Variants in TOX observed in about 807,000 individuals in gnomAD.
TOX encodes thymocyte selection associated high mobility group box.
A neutral mutation model predicts 53.7 loss-of-function variants in TOX; 11 were observed. The ratio of observed to expected loss-of-function variants is 0.20; its 90% CI spans 0.13 to 0.34. The LOEUF (loss-of-function observed/expected upper bound fraction) is 0.34. Ranked by LOEUF, TOX falls within the 10% of genes least tolerant of loss-of-function variation. The pLI is 1.00. For missense variants in TOX, 570 were observed against 664.6 expected, an observed-to-expected ratio of 0.86 and a Z score of 1.56; for synonymous variants, 225 against 245.3, an observed-to-expected ratio of 0.92 and a Z score of 0.77.
chr8:58,848,001 T>A (rs1363210211), intron 4 of TOX, among the ~76,000 whole-genome samples: 1 of 152,104 alleles, frequency 6.6e-6, no homozygotes, highest in Non-Finnish European at 1.5e-5. Flanking sequence ...AATATATATG[T>A]GAATAAATCC....
At chr8:58,872,559 A>G (rs1811216608) in intron 3 of TOX, among the ~76,000 whole-genome samples, 1 of 152,156 alleles carries the variant, frequency 6.6e-6, no homozygotes, top group Non-Finnish European at 1.5e-5. Flanking sequence ...AGTCATACTG[A>G]TAATGTGGAC....
intron 4 of TOX, among the ~76,000 whole-genome samples, chr8:58,842,184 G>GAGGAGACTGGGGTGAGTC (rs1044812158): frequency 6.6e-6 from 1 of 152,176 alleles, no homozygotes; most frequent in Non-Finnish European, 1.5e-5. Context: ...GTGGTTTCCA[G>GAGGAGACTGGGGTGAGTC]AGGAGACTGG....
At chr8:58,997,892 AC>A (rs1813590094) in intron 1 of TOX, among the ~76,000 whole-genome samples, 2 of 152,174 alleles carry the variant, frequency 1.3e-5, no homozygotes, top group South Asian at 4.2e-4. Flanking sequence ...TCCTGGGTTC[AC>A]GCCATTCTCC....
intron 1 of TOX, among the ~76,000 whole-genome samples, chr8:59,086,410 A>T (rs1804510004): frequency 6.6e-6 from 1 of 152,148 alleles, no homozygotes; most frequent in Non-Finnish European, 1.5e-5. Flanking sequence ...TGTCCAGAAG[A>T]CAGAATCCGG....
chr8:58,884,068 C>T (rs1210732373), intron 3 of TOX, among the ~76,000 whole-genome samples: 1 of 152,122 alleles, frequency 6.6e-6, no homozygotes, highest in Non-Finnish European at 1.5e-5. Flanking sequence ...CACCAGGGTC[C>T]AGCTGAGGCT....
rs1404391206 is a variant in TOX, at chr8:59,069,137, T to C, written c.102+49749A>G. ...ACAGCAAGACGGATGGGTATTCAAG[T>C]GATCCAGTAAGAAATGAGGAGGGCT... On this transcript the variant is annotated intron_variant, in intron 1 of 8. Coordinates refer to ENST00000361421, the MANE Select transcript of TOX (RefSeq NM_014729.3). 2.0e-5 allele frequency among the ~76,000 whole-genome samples: 3 copies of C among 152,074 alleles called. No homozygotes were observed. In the East Asian group the frequency reaches 5.8e-4, roughly 29 times the overall value.
chr8:58,961,415 A>G (rs571255056), intron 1 of TOX, among the ~76,000 whole-genome samples: 6 of 152,318 alleles, frequency 3.9e-5, no homozygotes, highest in Non-Finnish European at 8.8e-5. Flanking sequence ...AGAGCAAATA[A>G]AAAATAGTAC....
chr8:59,011,119 A>G (rs1013841743), intron 1 of TOX, among the ~76,000 whole-genome samples: 2 of 152,238 alleles, frequency 1.3e-5, no homozygotes, highest in African/African-American at 4.8e-5. Flanking sequence ...CTCATGGAAC[A>G]TGTCGGAAAT....
At chr8:58,854,531 A>G (rs1810881108) in intron 3 of TOX, among the ~76,000 whole-genome samples, 1 of 151,682 alleles carries the variant, frequency 6.6e-6, no homozygotes, top group Non-Finnish European at 1.5e-5. Context: ...CAATGGAAGG[A>G]GAAGAAGGTG....
chr8:58,960,035 C>T, intron 1 of TOX, 27 bp from the exon 2 acceptor site: 1 of 1,612,998 alleles, frequency 6.2e-7, no homozygotes, highest in Non-Finnish European at 8.5e-7. Flanking sequence ...AGTAAACATT[C>T]AGCAATCTTG....
intron 3 of TOX, among the ~76,000 whole-genome samples, chr8:58,923,018 C>T (rs939116863): frequency 6.6e-6 from 1 of 152,188 alleles, no homozygotes. Flanking sequence ...GTGACTAGCT[C>T]GGTGAGGGGC....
chr8:59,080,298 T>C (rs1804383359), intron 1 of TOX, among the ~76,000 whole-genome samples: 1 of 152,132 alleles, frequency 6.6e-6, no homozygotes, highest in Non-Finnish European at 1.5e-5. Flanking sequence ...CTTTCTTTTG[T>C]CAATTTCTCC....
At chr8:59,004,978 T>C (rs1003065552) in intron 1 of TOX, among the ~76,000 whole-genome samples, 14 of 152,198 alleles carry the variant, frequency 9.2e-5, no homozygotes, top group African/African-American at 3.4e-4. Flanking sequence ...TTTTTGCAAA[T>C]AATGCTAGCA....
At chr8:58,905,425 C>G (rs554263247) in intron 3 of TOX, among the ~76,000 whole-genome samples, 1 of 152,078 alleles carries the variant, frequency 6.6e-6, no homozygotes, top group Non-Finnish European at 1.5e-5. Context: ...TGAAAGGTGG[C>G]CTTTGGAAAA....
chr8:59,114,404 C>T (rs1805067384), intron 1 of TOX, among the ~76,000 whole-genome samples: 1 of 152,122 alleles, frequency 6.6e-6, no homozygotes, highest in South Asian at 2.1e-4. Flanking sequence ...GTCAAGATAG[C>T]TACATTTGAA....
chr8:59,005,393 A>G lies in TOX; in HGVS notation c.103-45385T>C, dbSNP rs547871285. ...GAAAATGATTACAAGTATTACAACTAAAGTATCATTTGTTAAAATATACTA... is the reference window on the plus strand; with the variant it reads ...GAAAATGATTACAAGTATTACAACTGAAGTATCATTTGTTAAAATATACTA... On this transcript the variant is annotated intron_variant, in intron 1 of 8. Transcript: ENST00000361421. Among the ~76,000 whole-genome samples the G allele has an allele frequency of 5.9e-4, 90 of 152,334 alleles. 1 individual carries two copies. The highest frequency in any genetic ancestry group is 2.1e-3 in the African/African-American group (88 of 41,582).
chr8:58,984,539 T>C (rs1813286407), intron 1 of TOX, among the ~76,000 whole-genome samples: 1 of 152,132 alleles, frequency 6.6e-6, no homozygotes, highest in Admixed American at 6.5e-5. Flanking sequence ...ACGCCCGTAA[T>C]CCCAGCACTT....
intron 3 of TOX, among the ~76,000 whole-genome samples, chr8:58,896,709 T>C (rs1428900609): frequency 1.7e-5 from 2 of 118,492 alleles, no homozygotes; most frequent in African/African-American, 6.8e-5. Context: ...TAAAATAAAA[T>C]AAAAACAAAA....
intron 3 of TOX, among the ~76,000 whole-genome samples, chr8:58,861,452 G>GCACT (rs1274898646): frequency 6.6e-6 from 1 of 152,128 alleles, no homozygotes; most frequent in Admixed American, 6.6e-5. Context: ...ACAAAGTGTA[G>GCACT]GCAGTGTTTT....
Sources: gnomAD v4.1 joint callset for allele counts (sites outside exome capture counted in the v4.1 genomes callset) on GRCh38, gnomAD v4.1.1 for gene constraint, MANE v1.5 for transcripts, NCBI Gene and HGNC (gene_info 2026-07-23, HGNC 2026-07-21) for gene names.